Variants in IL1RAPL1 observed in about 807,000 individuals in gnomAD.
The protein encoded by IL1RAPL1 is interleukin-1 receptor accessory protein-like 1.
IL1RAPL1 carries 3 observed loss-of-function variants against 48.4 expected under a neutral mutation model. The observed-to-expected ratio is 0.06, with a 90% CI of 0.03 to 0.16. The LOEUF is 0.16. Ranked by LOEUF, IL1RAPL1 falls within the 10% of genes least tolerant of loss-of-function variation. The pLI, the probability that IL1RAPL1 is intolerant of heterozygous loss-of-function variation, is 1.00. For synonymous variants in IL1RAPL1, 185 were observed against 187.7 expected, an observed-to-expected ratio of 0.99 and a Z score of 0.12; for missense variants, 349 against 530.6, an observed-to-expected ratio of 0.66 and a Z score of 3.36.
intron 2 of IL1RAPL1, among the ~76,000 whole-genome samples, chrX:29,266,276 A>T (rs1931955406): frequency 8.9e-6 from 1 of 112,495 alleles, no homozygotes; most frequent in Non-Finnish European, 1.9e-5. Context: ...GGAATCTTTA[A>T]AAAAGAAATT....
chrX:29,343,396 G>T (rs961484417), intron 3 of IL1RAPL1, among the ~76,000 whole-genome samples: 9 of 111,210 alleles, frequency 8.1e-5, no homozygotes, highest in African/African-American at 2.6e-4. Context: ...AGGCCTAATG[G>T]TTCCCTGCTT....
intron 3 of IL1RAPL1, among the ~76,000 whole-genome samples, chrX:29,361,971 G>T (rs1288391212): frequency 8.9e-6 from 1 of 112,067 alleles, no homozygotes; most frequent in Non-Finnish European, 1.9e-5. Context: ...TGAGAGCCAA[G>T]AGAGCTTATT....
At chrX:29,086,404 A>T (rs1035701612) in intron 2 of IL1RAPL1, among the ~76,000 whole-genome samples, 1 of 112,330 alleles carries the variant, frequency 8.9e-6, no homozygotes, top group Non-Finnish European at 1.9e-5. Flanking sequence ...AATTTCTTTT[A>T]TCTGTCAATC....
chrX:28,871,183 G>A (rs1156343836), intron 2 of IL1RAPL1, among the ~76,000 whole-genome samples: 1 of 111,939 alleles, frequency 8.9e-6, no homozygotes, highest in East Asian at 2.8e-4. Context: ...ATTCTCTTCA[G>A]AGTGAATAGA....
chrX:28,880,945 A>G (rs935002729), intron 2 of IL1RAPL1, among the ~76,000 whole-genome samples: 34 of 111,588 alleles, frequency 3.0e-4, no homozygotes, highest in African/African-American at 8.8e-4. Context: ...TTTCTTATTG[A>G]ATGAATAAAA....
intron 2 of IL1RAPL1, among the ~76,000 whole-genome samples, chrX:28,792,458 C>T (rs1015520722): frequency 2.7e-5 from 3 of 109,525 alleles, no homozygotes; most frequent in African/African-American, 1.0e-4. Context: ...CATTGGCTTA[C>T]AGTCCCATCG....
intron 2 of IL1RAPL1, among the ~76,000 whole-genome samples, chrX:28,826,810 A>G (rs1181125975): frequency 9.0e-6 from 1 of 110,858 alleles, no homozygotes; most frequent in African/African-American, 3.3e-5. Context: ...TATTGCAGAC[A>G]TGGATGTTTT....
At chrX:28,617,242 G>C (rs1184416805) in intron 1 of IL1RAPL1, among the ~76,000 whole-genome samples, 2 of 111,236 alleles carry the variant, frequency 1.8e-5, no homozygotes, top group African/African-American at 6.5e-5. Flanking sequence ...GTGGATTTGG[G>C]AGTAAGCCCC....
At chrX:29,667,203 A>G (rs1490711892) in intron 5 of IL1RAPL1, among the ~76,000 whole-genome samples, 1 of 112,387 alleles carries the variant, frequency 8.9e-6, no homozygotes, top group Non-Finnish European at 1.9e-5. Context: ...AAAGCTATCA[A>G]TCATATATGA....
chrX:28,953,018 A>G (rs745596584), intron 2 of IL1RAPL1, among the ~76,000 whole-genome samples: 1 of 111,291 alleles, frequency 9.0e-6, no homozygotes, highest in Non-Finnish European at 1.9e-5. Flanking sequence ...ATGGGTTTTC[A>G]TTTTCTTTAT....
At chrX:28,730,611 A>G (rs1179163326) in intron 1 of IL1RAPL1, among the ~76,000 whole-genome samples, 2 of 111,910 alleles carry the variant, frequency 1.8e-5, no homozygotes, top group Non-Finnish European at 1.9e-5. Context: ...GTGATGTGTG[A>G]TATACTTGTT....
chrX:29,229,114 A>G (rs1296287737), intron 2 of IL1RAPL1, among the ~76,000 whole-genome samples: 1 of 111,584 alleles, frequency 9.0e-6, no homozygotes, highest in Non-Finnish European at 1.9e-5. Flanking sequence ...CATACAATAC[A>G]TTTTTTCATA....
chrX:29,304,790 G>A (rs1192396579), intron 3 of IL1RAPL1, among the ~76,000 whole-genome samples: 1 of 112,413 alleles, frequency 8.9e-6, no homozygotes, highest in Non-Finnish European at 1.9e-5. Flanking sequence ...TTTTATTTGA[G>A]ACGAAGTTTC....
chrX:29,916,194 A>C (rs1298689732), intron 6 of IL1RAPL1, among the ~76,000 whole-genome samples: 7 of 103,284 alleles, frequency 6.8e-5, no homozygotes, highest in African/African-American at 2.1e-4. Flanking sequence ...ATTGTGAATA[A>C]TGCCGCAATA....
In IL1RAPL1 at chrX:29,245,889, CTT is replaced by C. The variant is rs763448755; in HGVS notation, c.83-37047_83-37046del. ...GAATGGTATTGCCTAGGTTAGGGAA[CTT>C]TCATCTTTACTAGATGAATCAAACC... On this transcript the variant is annotated intron_variant, in intron 2 of 10. Transcript: ENST00000378993. Among the ~76,000 whole-genome samples the C allele has an allele frequency of 7.2e-5, 8 of 111,449 alleles. No homozygotes were observed. The South Asian group carries it at 2.6e-3, about 37-fold the overall frequency.
chrX:29,444,211 G>A (rs959084568), intron 5 of IL1RAPL1, among the ~76,000 whole-genome samples: 8 of 109,932 alleles, frequency 7.3e-5, no homozygotes, highest in Non-Finnish European at 1.3e-4. Context: ...ATATGGTGGT[G>A]CACACCTGTA....
intron 2 of IL1RAPL1, among the ~76,000 whole-genome samples, chrX:29,075,219 G>C (rs928336286): frequency 2.7e-5 from 3 of 111,496 alleles, no homozygotes; most frequent in Middle Eastern, 4.6e-3. Flanking sequence ...TCACAGTTAG[G>C]GGGGATTCAC....
chrX:29,814,227 T>A (rs1930442419), intron 6 of IL1RAPL1, among the ~76,000 whole-genome samples: 1 of 111,894 alleles, frequency 8.9e-6, no homozygotes, highest in Non-Finnish European at 1.9e-5. Flanking sequence ...AAGCATTCCC[T>A]TGTCTCTGTA....
At chrX:29,409,406 T>C (rs1004353817) in intron 5 of IL1RAPL1, among the ~76,000 whole-genome samples, 3 of 112,317 alleles carry the variant, frequency 2.7e-5, no homozygotes. Flanking sequence ...AAACTGAATT[T>C]AATCAACTTG....
Sources: gnomAD v4.1 joint callset for allele counts (sites outside exome capture counted in the v4.1 genomes callset) on GRCh38, gnomAD v4.1.1 for gene constraint, MANE v1.5 for transcripts, NCBI Gene and HGNC (gene_info 2026-07-23, HGNC 2026-07-21) for gene names.